CDKL5: variants seen among roughly 807,000 people sequenced by gnomAD.
CDKL5 encodes cyclin-dependent kinase-like 5.
A neutral mutation model predicts 61.7 loss-of-function variants in CDKL5; 8 were observed. The observed-to-expected ratio is 0.13, with a 90% CI of 0.08 to 0.23. The LOEUF is 0.23. Among genes scored for constraint, CDKL5 ranks in the 10% least tolerant of loss-of-function variants. The probability of loss-of-function intolerance (pLI) is 1.00; values close to 1 mark genes in which losing one functional copy is unlikely to be tolerated. For synonymous variants in CDKL5, 275 were observed against 272.3 expected, an observed-to-expected ratio of 1.01 and a Z score of -0.10; for missense variants, 440 against 734.5, an observed-to-expected ratio of 0.60 and a Z score of 4.63.
chrX:18,436,967 A>G (rs749855264), intron 1 of CDKL5, among the ~76,000 whole-genome samples: 1 of 108,761 alleles, frequency 9.2e-6, no homozygotes, highest in Non-Finnish European at 1.9e-5. Flanking sequence ...AGAAACAGGC[A>G]TTGAAGCACA....
chrX:18,507,502 T>C (rs1276047202), intron 2 of CDKL5, among the ~76,000 whole-genome samples: 1 of 108,747 alleles, frequency 9.2e-6, no homozygotes, highest in African/African-American at 3.4e-5. Flanking sequence ...TTTTTTTTCT[T>C]GGTTCCATTT....
At chrX:18,564,550 T>C in intron 4 of CDKL5, 28 bp downstream of exon 4, 3 of 578,407 alleles carry the variant, frequency 5.2e-6, no homozygotes, top group Non-Finnish European at 7.3e-6. Context: ...TATATATATA[T>C]CTGTATATAT....
At chrX:18,493,134 C>G (rs1922051698) in intron 1 of CDKL5, among the ~76,000 whole-genome samples, 2 of 111,852 alleles carry the variant, frequency 1.8e-5, no homozygotes, top group South Asian at 7.5e-4. Flanking sequence ...AATTATTCTA[C>G]AGGCCTCAGC....
intron 1 of CDKL5, among the ~76,000 whole-genome samples, chrX:18,445,226 C>T (rs777338658): frequency 6.4e-5 from 7 of 109,823 alleles, no homozygotes; most frequent in African/African-American, 2.0e-4. Context: ...TACAGGCACA[C>T]GCCACCACGC....
chrX:18,550,902 G>A (rs1320344487), intron 3 of CDKL5, among the ~76,000 whole-genome samples: 1 of 112,892 alleles, frequency 8.9e-6, no homozygotes, highest in Non-Finnish European at 1.9e-5. Flanking sequence ...TTCATTTGCA[G>A]ACAATTTGGT....
intron 3 of CDKL5, among the ~76,000 whole-genome samples, chrX:18,518,313 A>G (rs1402152599): frequency 1.7e-4 from 18 of 106,530 alleles, no homozygotes; most frequent in Non-Finnish European, 9.7e-5. Flanking sequence ...AAAAAATAAG[A>G]TGTAATTTTT....
At chrX:18,500,064 C>G (rs1436179575) in intron 1 of CDKL5, among the ~76,000 whole-genome samples, 1 of 111,596 alleles carries the variant, frequency 9.0e-6, no homozygotes, top group African/African-American at 3.3e-5. Flanking sequence ...TGATTTATTT[C>G]TGTTTTTTCT....
intron 1 of CDKL5, among the ~76,000 whole-genome samples, chrX:18,462,089 T>C (rs1293518941): frequency 9.2e-6 from 1 of 108,953 alleles, no homozygotes; most frequent in Non-Finnish European, 1.9e-5. Context: ...GTTTTTTTTT[T>C]TTTTTCTTTT....
At chrX:18,527,364 A>G (rs1923482393) in intron 3 of CDKL5, among the ~76,000 whole-genome samples, 2 of 111,798 alleles carry the variant, frequency 1.8e-5, no homozygotes, top group Non-Finnish European at 3.8e-5. Context: ...AAACCATGTG[A>G]GAATGGAGCT....
chrX:18,459,694 CTTTCTTTTTTTTTT>C (rs1932230571), intron 1 of CDKL5, among the ~76,000 whole-genome samples: 1 of 83,949 alleles, frequency 1.2e-5, no homozygotes, highest in Non-Finnish European at 2.4e-5. Flanking sequence ...AGGAAGCTTT[CTTTCTTTTTTTTTT>C]TTTTTTTTTT....
At chrX:18,509,963 G>A (rs1214451089) in intron 2 of CDKL5, among the ~76,000 whole-genome samples, 1 of 104,957 alleles carries the variant, frequency 9.5e-6, no homozygotes, top group Non-Finnish European at 1.9e-5. Flanking sequence ...ACCAGCCTGG[G>A]CAACATAGTG....
intron 12 of CDKL5, among the ~76,000 whole-genome samples, chrX:18,607,303 G>C (rs894178238): frequency 2.7e-5 from 3 of 111,786 alleles, no homozygotes; most frequent in African/African-American, 6.5e-5. Context: ...AATGGTCAGA[G>C]GAGCCCTGAG....
downstream of CDKL5, among the ~76,000 whole-genome samples, chrX:18,643,618 T>C (rs890027587): frequency 8.9e-6 from 1 of 112,030 alleles, no homozygotes; most frequent in Admixed American, 9.5e-5. Flanking sequence ...TTTTTCCTCT[T>C]GTGTTCAAAC....
intron 4 of CDKL5, among the ~76,000 whole-genome samples, chrX:18,573,647 A>G (rs913947783): frequency 8.9e-6 from 1 of 112,400 alleles, no homozygotes; most frequent in Non-Finnish European, 1.9e-5. Flanking sequence ...TGATCCAGGT[A>G]ATTCGCTGCT....
intron 2 of CDKL5, among the ~76,000 whole-genome samples, chrX:18,509,197 GCACACACACACACACACACACA>G (rs60516677): frequency 1.2e-4 from 8 of 64,312 alleles, no homozygotes; most frequent in Admixed American, 2.5e-4. Flanking sequence ...CTCAAAACAC[GCACACACACACACACACACACA>G]CACACACACA....
intron 3 of CDKL5, among the ~76,000 whole-genome samples, chrX:18,555,834 A>G (rs1216208012): frequency 8.9e-6 from 1 of 112,537 alleles, no homozygotes; most frequent in Non-Finnish European, 1.9e-5. Context: ...AACATTTGTT[A>G]GTTGACTGAT....
intron 20 of CDKL5, among the ~76,000 whole-genome samples, chrX:18,649,282 C>T (rs1286680997): frequency 1.8e-5 from 2 of 111,170 alleles, no homozygotes; most frequent in Non-Finnish European, 3.8e-5. Context: ...GTCGCACAGG[C>T]TGGAGTGCTG....
chrX:18,595,908 C>T (rs746385590), intron 10 of CDKL5, among the ~76,000 whole-genome samples: 27 of 111,968 alleles, frequency 2.4e-4, no homozygotes, highest in African/African-American at 8.7e-4. Context: ...ATTGCTAATG[C>T]TGTGGCCTGA....
At chrX:18,548,589 C>T (rs1924279368) in intron 3 of CDKL5, among the ~76,000 whole-genome samples, 1 of 112,450 alleles carries the variant, frequency 8.9e-6, no homozygotes, top group African/African-American at 3.2e-5. Flanking sequence ...TTTCAGATTT[C>T]AGTTGTCCTA....
Sources: allele counts gnomAD v4.1 joint callset (sites outside exome capture counted in the v4.1 genomes callset), GRCh38; gene constraint gnomAD v4.1.1; transcripts MANE v1.5; gene names NCBI Gene and HGNC (gene_info 2026-07-23, HGNC 2026-07-21).